The following KCNH1 variants were observed in gnomAD, a reference collection of about 807,000 sequenced individuals.
KCNH1 encodes voltage-gated delayed rectifier potassium channel KCNH1.
Under a neutral mutation model 69.2 loss-of-function variants are expected in KCNH1, and 27 were observed. That is an observed-to-expected ratio of 0.39 (90% CI 0.29 to 0.54). The LOEUF is 0.54. Ranked by LOEUF, KCNH1 falls within the 20% of genes least tolerant of loss-of-function variation. KCNH1 has a pLI of 0.68. For synonymous variants in KCNH1, 456 were observed against 487.7 expected (o/e 0.93, Z 0.86); for missense variants, 798 against 1,261.6 (o/e 0.63, Z 5.57).
chr1:210,859,001 G>T, intron 7 of KCNH1: 1 of 498,284 alleles, frequency 2.0e-6, no homozygotes, highest in Non-Finnish European at 3.6e-6. Context: ...CTTTTCCAGT[G>T]CCAGGTTGCA....
At chr1:210,951,573 T>C (rs1336773280) in intron 6 of KCNH1, among the ~76,000 whole-genome samples, 2 of 152,176 alleles carry the variant, frequency 1.3e-5, no homozygotes, top group Non-Finnish European at 2.9e-5. Context: ...TAGATACTCT[T>C]CTTGTCATGG....
chr1:210,702,872 G>A (rs115642315), intron 10 of KCNH1, among the ~76,000 whole-genome samples: 5,778 of 152,094 alleles, frequency 0.038, 378 homozygotes, highest in African/African-American at 0.13. Flanking sequence ...CCTTTCCTCC[G>A]TCTGCCTTCC....
At chr1:210,989,077 A>T (rs563681090) in intron 6 of KCNH1, among the ~76,000 whole-genome samples, 10 of 152,308 alleles carry the variant, frequency 6.6e-5, no homozygotes, top group African/African-American at 2.4e-4. Flanking sequence ...TCCACATATG[A>T]GTTGAATCAA....
intron 10 of KCNH1, among the ~76,000 whole-genome samples, chr1:210,737,311 G>A (rs1318386672): frequency 6.6e-6 from 1 of 152,178 alleles, no homozygotes; most frequent in African/African-American, 2.4e-5. Flanking sequence ...TAATGAAAAG[G>A]TAGATTTCTG....
At chr1:210,852,835 TA>T (rs1685737278) in intron 7 of KCNH1, among the ~76,000 whole-genome samples, 1 of 152,190 alleles carries the variant, frequency 6.6e-6, no homozygotes, top group African/African-American at 2.4e-5. Flanking sequence ...GATATCCCAT[TA>T]AGAAGACCCA....
intron 6 of KCNH1, among the ~76,000 whole-genome samples, chr1:210,927,027 G>T (rs750596394): frequency 2.6e-4 from 39 of 151,970 alleles, no homozygotes; most frequent in Admixed American, 6.6e-4. Flanking sequence ...AAAGAAAAAA[G>T]AATTTTAAAA....
chr1:210,745,651 C>A (rs954120887), intron 10 of KCNH1, among the ~76,000 whole-genome samples: 1 of 152,188 alleles, frequency 6.6e-6, no homozygotes, highest in Non-Finnish European at 1.5e-5. Flanking sequence ...GGGGAACTAG[C>A]TTTTTCTACT....
intron 10 of KCNH1, among the ~76,000 whole-genome samples, chr1:210,757,707 G>A (rs150223007): frequency 1.3e-4 from 20 of 152,350 alleles, no homozygotes; most frequent in African/African-American, 4.8e-4. Flanking sequence ...TACCATAGCA[G>A]AGCCACATGC....
At position 210,680,781 on chromosome 1, in the gene KCNH1, A is replaced by G. The variant is rs1220339361; in HGVS notation, c.*2500T>C. 6.6e-6 allele frequency: 1 copy of G among 152,274 alleles called. No individual in the cohort carries two copies. Among genetic ancestry groups the G allele is most frequent in the Non-Finnish European group, 1.5e-5 (1 of 68,064 alleles). The allele number at this position is 152,274 out of a possible 1,614,324, so 9.4% of individuals were successfully genotyped here. On this transcript the variant is annotated 3_prime_UTR_variant, in exon 11 of 11. Transcript: ENST00000271751. ...CGTGCACCTGTGACCCAAGATGAAC[A>G]GATTCCTGCCGCAGGAGCTGGCTTC...
chr1:210,855,503 G>C (rs892049469), intron 7 of KCNH1, among the ~76,000 whole-genome samples: 1 of 152,224 alleles, frequency 6.6e-6, no homozygotes, highest in Non-Finnish European at 1.5e-5. Flanking sequence ...GATGTCTGTT[G>C]ATTTTTAGGA....
chr1:210,694,276 A>C (rs994297849), intron 10 of KCNH1, among the ~76,000 whole-genome samples: 1 of 151,956 alleles, frequency 6.6e-6, no homozygotes, highest in Non-Finnish European at 1.5e-5. Flanking sequence ...ACGCTCAGCA[A>C]ACAAGATGTC....
intron 5 of KCNH1, among the ~76,000 whole-genome samples, chr1:211,038,065 T>C (rs1486895073): frequency 6.7e-6 from 1 of 150,320 alleles, no homozygotes; most frequent in Admixed American, 6.7e-5. Context: ...GTTCACGCCA[T>C]TCTCCTGCCT....
chr1:211,127,946 C>A (rs1399039077), intron 1 of KCNH1, among the ~76,000 whole-genome samples: 1 of 152,116 alleles, frequency 6.6e-6, no homozygotes, highest in East Asian at 1.9e-4. Flanking sequence ...AGTGGCAGAT[C>A]GGACACAATG....
intron 1 of KCNH1, among the ~76,000 whole-genome samples, chr1:211,120,681 G>A (rs1481096661): frequency 6.6e-6 from 1 of 152,086 alleles, no homozygotes; most frequent in Non-Finnish European, 1.5e-5. Context: ...TAGAAAAAGA[G>A]GGGTTTTTTG....
At chr1:211,130,294 C>G (rs1326589030) in intron 1 of KCNH1, among the ~76,000 whole-genome samples, 8 of 152,140 alleles carry the variant, frequency 5.3e-5, no homozygotes, top group Non-Finnish European at 8.8e-5. Flanking sequence ...AGATAATTAT[C>G]AAATCTTTCC....
In KCNH1 at chr1:210,766,066, AAAG is replaced by A. The variant is rs567944786; in HGVS notation, c.2112+9279_2112+9281del. Among the ~76,000 whole-genome samples the A allele has an allele frequency of 2.2e-3, 329 of 152,066 alleles. 1 individual carries two copies. The highest frequency in any genetic ancestry group is 7.7e-3 in the African/African-American group (318 of 41,494). On this transcript the variant is annotated intron_variant, in intron 10 of 10. Transcript: ENST00000271751. ...CAACAGAGGGAGACTCTGTCTCAAAAAAGAAGAAGAAAAAAAGAATGTATAGCA... is the reference window on the plus strand; with the variant it reads ...CAACAGAGGGAGACTCTGTCTCAAAAAAGAAGAAAAAAAGAATGTATAGCA...
intron 5 of KCNH1, among the ~76,000 whole-genome samples, chr1:211,043,679 C>T (rs12121896): frequency 2.4e-3 from 359 of 152,224 alleles, no homozygotes; most frequent in Non-Finnish European, 3.7e-3. Flanking sequence ...AACATATATG[C>T]AAAACTCCTT....
chr1:211,126,708 A>G (rs1478624010), intron 1 of KCNH1, among the ~76,000 whole-genome samples: 1 of 147,710 alleles, frequency 6.8e-6, no homozygotes, highest in Non-Finnish European at 1.5e-5. Context: ...AAAAAAAAAG[A>G]CTGCACTTGC....
At chr1:211,011,732 C>T (rs1275006679) in intron 6 of KCNH1, among the ~76,000 whole-genome samples, 6 of 152,182 alleles carry the variant, frequency 3.9e-5, no homozygotes, top group East Asian at 1.9e-4. Context: ...AGCTCCCACA[C>T]GTACACACCC....
Sources: gnomAD v4.1 joint callset for allele counts (sites outside exome capture counted in the v4.1 genomes callset) on GRCh38, gnomAD v4.1.1 for gene constraint, MANE v1.5 for transcripts, NCBI Gene and HGNC (gene_info 2026-07-23, HGNC 2026-07-21) for gene names.